The following RBFOX1 variants were observed in gnomAD, a reference collection of about 807,000 sequenced individuals.
RBFOX1 encodes the protein RNA binding protein fox-1 homolog 1.
Under a neutral mutation model 57.7 loss-of-function variants are expected in RBFOX1, and 8 were observed. The ratio of observed to expected loss-of-function variants is 0.14; its 90% confidence interval spans 0.08 to 0.25. RBFOX1 has a LOEUF of 0.25. Among genes scored for constraint, RBFOX1 ranks in the 10% least tolerant of loss-of-function variants. The pLI, the probability that RBFOX1 is intolerant of heterozygous loss-of-function variation, is 1.00. For synonymous variants in RBFOX1, 326 were observed against 222.4 expected (o/e 1.47, Z -4.15); for missense variants, 611 against 548.5 (o/e 1.11, Z -1.14).
chr16:7,188,997 C>A (rs184038877), intron 4 of RBFOX1, among the ~76,000 whole-genome samples: 1 of 152,122 alleles, frequency 6.6e-6, no homozygotes, highest in Non-Finnish European at 1.5e-5. Context: ...TCAAGAACAT[C>A]AGGCTAGAGG....
chr16:6,270,472 A>G (rs938481918), intron 1 of RBFOX1, among the ~76,000 whole-genome samples: 1 of 152,012 alleles, frequency 6.6e-6, no homozygotes, highest in African/African-American at 2.4e-5. Context: ...AAAAAAAAAA[A>G]AAACAACTAG....
At chr16:6,830,988 G>A (rs1382968452) in intron 3 of RBFOX1, among the ~76,000 whole-genome samples, 1 of 152,166 alleles carries the variant, frequency 6.6e-6, no homozygotes, top group African/African-American at 2.4e-5. Context: ...TCCAAATGTG[G>A]ATGCCATAGA....
At chr16:6,872,369 G>C (rs186569138) in intron 3 of RBFOX1, among the ~76,000 whole-genome samples, 2 of 152,028 alleles carry the variant, frequency 1.3e-5, no homozygotes, top group African/African-American at 2.4e-5. Context: ...CTTTCTCGTA[G>C]TAATAATAGC....
At chr16:7,659,815 A>G (rs563238623) in intron 12 of RBFOX1, among the ~76,000 whole-genome samples, 1 of 151,576 alleles carries the variant, frequency 6.6e-6, no homozygotes, top group African/African-American at 2.4e-5. Context: ...AACATGATGA[A>G]TAAGTGGTCT....
intron 3 of RBFOX1, among the ~76,000 whole-genome samples, chr16:6,988,751 G>T (rs145949049): frequency 0.27 from 14,585 of 53,176 alleles, 1,875 homozygotes; most frequent in African/African-American, 0.4. Context: ...TTGTTTGTTT[G>T]TTTTTTGTTT....
At chr16:6,392,975 A>G (rs977049920) in intron 2 of RBFOX1, among the ~76,000 whole-genome samples, 2 of 152,198 alleles carry the variant, frequency 1.3e-5, no homozygotes, top group African/African-American at 2.4e-5. Context: ...GCTTGTTTCA[A>G]GATGCTCACT....
At chr16:7,481,281 G>C (rs753261598) in intron 4 of RBFOX1, among the ~76,000 whole-genome samples, 1 of 152,196 alleles carries the variant, frequency 6.6e-6, no homozygotes, top group Admixed American at 6.5e-5. Context: ...TTACGGTTTT[G>C]TGGATAATAG....
intron 4 of RBFOX1, among the ~76,000 whole-genome samples, chr16:7,203,647 A>T (rs1338198532): frequency 6.6e-6 from 1 of 152,246 alleles, no homozygotes; most frequent in East Asian, 1.9e-4. Context: ...TGCTTCTCAC[A>T]GCTCAGATAG....
intron 4 of RBFOX1, among the ~76,000 whole-genome samples, chr16:5,925,849 C>A (rs952106137): frequency 5.3e-5 from 8 of 152,154 alleles, no homozygotes; most frequent in Non-Finnish European, 1.0e-4. Context: ...TACCTGGGCC[C>A]CTCTCAGCAC....
chr16:5,466,322 C>G (rs2068951997), intron 1 of RBFOX1, among the ~76,000 whole-genome samples: 1 of 152,152 alleles, frequency 6.6e-6, no homozygotes, highest in South Asian at 2.1e-4. Flanking sequence ...GCAACTGACT[C>G]AGCCTTCTGA....
intron 3 of RBFOX1, among the ~76,000 whole-genome samples, chr16:5,821,401 T>C (rs2055855092): frequency 6.7e-6 from 1 of 149,596 alleles, no homozygotes; most frequent in African/African-American, 2.5e-5. Flanking sequence ...CTCCTGGACA[T>C]GAGCAGTTCT....
chr16:7,171,839 A>G (rs372595250), intron 4 of RBFOX1, among the ~76,000 whole-genome samples: 154 of 152,274 alleles, frequency 1.0e-3, no homozygotes, highest in African/African-American at 3.4e-3. Flanking sequence ...AATTTTGCTT[A>G]TCGCATAGTT....
intron 4 of RBFOX1, among the ~76,000 whole-genome samples, chr16:7,151,411 G>C (rs540135458): frequency 1.1e-3 from 164 of 152,206 alleles, no homozygotes; most frequent in African/African-American, 3.6e-3. Flanking sequence ...CAGGGTAAAG[G>C]GGTTAAACTA....
rs141161945 is a variant in RBFOX1, at chr16:6,147,761, T to C, written c.-127+127769T>C. 4.1e-3 allele frequency among the ~76,000 whole-genome samples: 631 copies of C among 152,350 alleles called. 6 individuals are homozygous for C. Among genetic ancestry groups the C allele is most frequent in the African/African-American group, 0.013 (552 of 41,594 alleles). On this transcript the variant is annotated intron_variant, in intron 1 of 15. Transcript: ENST00000550418. ...ACCAAAATCTTTCCCAAGTTTGTAATTGGTGTCACCATCCACTCAGTTGCT... is the reference window on the plus strand; with the variant it reads ...ACCAAAATCTTTCCCAAGTTTGTAACTGGTGTCACCATCCACTCAGTTGCT...
intron 3 of RBFOX1, among the ~76,000 whole-genome samples, chr16:5,778,194 G>A (rs903171091): frequency 2.0e-5 from 3 of 152,168 alleles, no homozygotes; most frequent in African/African-American, 7.2e-5. Context: ...TGGCAATAGT[G>A]ACTTGGTTGA....
intron 4 of RBFOX1, among the ~76,000 whole-genome samples, chr16:7,116,408 G>A (rs1344149653): frequency 3.3e-5 from 5 of 152,174 alleles, no homozygotes; most frequent in South Asian, 2.1e-4. Flanking sequence ...AGTAGGGACA[G>A]CAATATTGCA....
At chr16:6,514,067 C>T (rs1196868540) in intron 2 of RBFOX1, among the ~76,000 whole-genome samples, 16 of 152,152 alleles carry the variant, frequency 1.1e-4, no homozygotes, top group Admixed American at 7.9e-4. Flanking sequence ...TCTGTAAGTC[C>T]GTAGCCATTG....
chr16:7,211,865 A>C (rs2091209722), intron 4 of RBFOX1, among the ~76,000 whole-genome samples: 1 of 152,136 alleles, frequency 6.6e-6, no homozygotes, highest in Non-Finnish European at 1.5e-5. Flanking sequence ...TTCCTAATAT[A>C]AATGCAAGCA....
chr16:5,656,675 A>C (rs115394719), intron 3 of RBFOX1, among the ~76,000 whole-genome samples: 10 of 152,246 alleles, frequency 6.6e-5, no homozygotes, highest in Admixed American at 1.3e-4. Flanking sequence ...GCCATACCCA[A>C]GGATTCTTAG....
Sources: allele counts gnomAD v4.1 joint callset (sites outside exome capture counted in the v4.1 genomes callset), GRCh38; gene constraint gnomAD v4.1.1; transcripts MANE v1.5; gene names NCBI Gene and HGNC (gene_info 2026-07-23, HGNC 2026-07-21).